WARS2: variants seen among roughly 807,000 people sequenced by gnomAD.
WARS2 encodes tryptophan--tRNA ligase, mitochondrial.
A neutral mutation model predicts 36.5 loss-of-function variants in WARS2; 28 were observed. That is an observed-to-expected ratio of 0.77 (90% CI 0.57 to 1.05). WARS2 has a LOEUF of 1.05. Ranked by LOEUF, WARS2 falls within the 50% of genes least tolerant of loss-of-function variation. WARS2 has a pLI of 0.00. For synonymous variants in WARS2, 174 were observed against 178.4 expected (o/e 0.98, Z 0.20); for missense variants, 435 against 456.8 (o/e 0.95, Z 0.44).
chr1:119,132,078 A>G (rs587621591), intron 1 of WARS2, among the ~76,000 whole-genome samples: 2 of 152,154 alleles, frequency 1.3e-5, no homozygotes, highest in Non-Finnish European at 2.9e-5. Flanking sequence ...TAGGATTTCA[A>G]ATCTACATAA....
intron 1 of WARS2, chr1:119,082,466 T>C: frequency 1.0e-6 from 1 of 985,254 alleles, no homozygotes; most frequent in Non-Finnish European, 1.2e-6. Flanking sequence ...GTAGGAATCA[T>C]AGGCATCATT....
At chr1:119,088,600 T>C (rs2101393018) in intron 1 of WARS2, among the ~76,000 whole-genome samples, 1 of 152,316 alleles carries the variant, frequency 6.6e-6, no homozygotes, top group Non-Finnish European at 1.5e-5. Context: ...AGTTTGGATA[T>C]TACATGCGGC....
chr1:119,056,496 T>G (rs2101182411), intron 2 of WARS2, among the ~76,000 whole-genome samples: 1 of 147,978 alleles, frequency 6.8e-6, no homozygotes, highest in African/African-American at 2.5e-5. Flanking sequence ...TCCATATACA[T>G]TCTATATATT....
At chr1:119,131,545 C>T (rs1656108140) in intron 1 of WARS2, among the ~76,000 whole-genome samples, 1 of 148,886 alleles carries the variant, frequency 6.7e-6, no homozygotes, top group South Asian at 2.1e-4. Context: ...TCACTGCAAG[C>T]TCCGCCTCCC....
chr1:119,088,571 G>A (rs1357617576), intron 1 of WARS2, among the ~76,000 whole-genome samples: 1 of 152,176 alleles, frequency 6.6e-6, no homozygotes, highest in East Asian at 1.9e-4. Context: ...TATAGGCAGA[G>A]GCCCCTTTGG....
intron 2 of WARS2, among the ~76,000 whole-genome samples, chr1:119,069,044 G>A (rs1651099387): frequency 6.6e-6 from 1 of 152,120 alleles, no homozygotes; most frequent in Non-Finnish European, 1.5e-5. Flanking sequence ...GCAAAGGATT[G>A]GAGATGAAAA....
chr1:119,099,721 A>T (rs938601627), intron 1 of WARS2, among the ~76,000 whole-genome samples: 2 of 152,248 alleles, frequency 1.3e-5, no homozygotes, highest in African/African-American at 4.8e-5. Flanking sequence ...CCTCTTCAAT[A>T]AATAATGCTG....
intron 2 of WARS2, among the ~76,000 whole-genome samples, chr1:119,067,462 T>C (rs796485426): frequency 7.9e-5 from 12 of 152,300 alleles, no homozygotes; most frequent in African/African-American, 2.9e-4. Context: ...TTCAAATATT[T>C]CTTAAAAAGT....
rs951072136 is a variant in WARS2, at chr1:119,031,350, A to G, written c.*1561T>C. 2.6e-5 allele frequency: 4 copies of G among 152,220 alleles called. No homozygotes were observed. The highest frequency in any genetic ancestry group is 9.6e-5 in the African/African-American group (4 of 41,460). 9.4% of individuals were successfully genotyped at this position (152,220 alleles called of 1,614,324 possible). A position where few individuals can be genotyped will look rare whatever the true frequency, so the allele number is the denominator to read the frequency against. On this transcript the variant is annotated 3_prime_UTR_variant, in exon 6 of 6. Transcript: ENST00000235521. The stretch of plus-strand genomic sequence containing the variant: ...AGGTTCTAGGACTTACAGACATCCC[A>G]TTCCAGTATAAGATACAAAAGGCAA...
In WARS2 at chr1:119,032,854, T is replaced by C. The variant is rs150523703; in HGVS notation, c.*57A>G. The C allele has an allele frequency of 1.5e-3, 2,182 of 1,487,102 alleles. 6 individuals carry two copies. The highest frequency in any genetic ancestry group is 1.8e-3 in the Non-Finnish European group (1,947 of 1,098,856). The allele number at this position is 1,487,102 out of a possible 1,614,324, so 92.1% of individuals were successfully genotyped here. A position where few individuals can be genotyped will look rare whatever the true frequency, so the allele number is the denominator to read the frequency against. ...TTTTTCTTTTTAGGAAAGCTGCCGT[T>C]ATCAGAATGCATGGAGTGCAAGGCA... is the stretch of plus-strand genomic sequence containing the variant. On this transcript the variant is annotated 3_prime_UTR_variant, in exon 6 of 6. Coordinates refer to ENST00000235521, the MANE Select transcript of WARS2 (RefSeq NM_015836.4).
In WARS2 at chr1:119,127,101, C is replaced by A. The variant is rs2101555019; in HGVS notation, c.90+13454G>T. The A allele has an allele frequency of 4.1e-6, 3 of 739,228 alleles. No homozygotes were observed. In the South Asian group the frequency reaches 4.1e-5, roughly 10 times the overall value. The allele number at this position is 739,228 out of a possible 1,614,324, so 45.8% of individuals were successfully genotyped here. ...AGTAAGACTCACTTCAAGCACACAA[C>A]CCTCAAAGCCATCAGATGCAATTTT... On this transcript the variant is annotated intron_variant, in intron 1 of 5. Coordinates refer to ENST00000235521, the MANE Select transcript of WARS2 (RefSeq NM_015836.4).
In WARS2 at chr1:119,117,055, T is replaced by C. The variant is rs372221792; in HGVS notation, c.90+23500A>G. ...AGGCAAGATCTCAGCCCTGCTCTCC[T>C]GCTGCCTGGATATAAACTCAGTGCA... is the stretch of plus-strand genomic sequence containing the variant. On this transcript the variant is annotated intron_variant, in intron 1 of 5. Coordinates refer to ENST00000235521, the MANE Select transcript of WARS2 (RefSeq NM_015836.4). Among the ~76,000 whole-genome samples, 8 of 152,290 alleles carry C rather than the reference T, an allele frequency of 5.3e-5. 1 individual carries two copies. Among genetic ancestry groups the C allele is most frequent in the African/African-American group, 1.9e-4 (8 of 41,564 alleles).
In WARS2 at chr1:119,065,576, A is replaced by G. The variant is rs141920873; in HGVS notation, c.348+10774T>C. 2.3e-4 allele frequency among the ~76,000 whole-genome samples: 35 copies of G among 150,496 alleles called. 2 individuals are homozygous for G. In the East Asian group the frequency reaches 6.9e-3, roughly 30 times the overall value. ...CTTGAATCCAGAAGGCAGAGGTTGC[A>G]GTGAGCCAAGATCATGCCACTGCAC... On this transcript the variant is annotated intron_variant, in intron 2 of 5. Coordinates refer to ENST00000235521, the MANE Select transcript of WARS2 (RefSeq NM_015836.4).
At chr1:119,076,753 C>T in intron 1 of WARS2, 146 bp from the exon 2 acceptor site, 2 of 1,231,332 alleles carry the variant, frequency 1.6e-6, no homozygotes, top group Non-Finnish European at 2.2e-6. Context: ...TGTGCCTACA[C>T]TGTAAATCAC....
intron 1 of WARS2, among the ~76,000 whole-genome samples, chr1:119,123,038 C>A (rs1317965563): frequency 6.6e-6 from 1 of 152,104 alleles, no homozygotes. Context: ...AATGCATATA[C>A]GCATTTTTCA....
intron 2 of WARS2, among the ~76,000 whole-genome samples, chr1:119,046,351 A>ATT (rs35429480): frequency 1.3e-4 from 13 of 97,096 alleles, no homozygotes; most frequent in East Asian, 3.3e-4. Context: ...ACTTTCCCCA[A>ATT]TTTTTTTTTT....
intron 1 of WARS2, chr1:119,127,072 A>C (rs1655717561): frequency 1.3e-6 from 1 of 761,082 alleles, no homozygotes; most frequent in Non-Finnish European, 2.4e-6. Context: ...TCATTCTGCA[A>C]ATCAGTAAGA....
intron 1 of WARS2, among the ~76,000 whole-genome samples, chr1:119,110,341 C>T (rs1158116891): frequency 6.6e-6 from 1 of 151,960 alleles, no homozygotes; most frequent in Non-Finnish European, 1.5e-5. Context: ...TTCTCTAAAT[C>T]TTTGTTTGTC....
chr1:119,127,891 G>A (rs1655786582), intron 1 of WARS2, among the ~76,000 whole-genome samples: 1 of 152,008 alleles, frequency 6.6e-6, no homozygotes, highest in African/African-American at 2.4e-5. Context: ...TTTTGGTAAG[G>A]CCATTCTTTA....
Sources: gnomAD v4.1 joint callset for allele counts (sites outside exome capture counted in the v4.1 genomes callset) on GRCh38, gnomAD v4.1.1 for gene constraint, MANE v1.5 for transcripts, NCBI Gene and HGNC (gene_info 2026-07-23, HGNC 2026-07-21) for gene names.